Variants in TMEM63B observed in about 807,000 individuals in gnomAD.
TMEM63B encodes the protein transmembrane protein 63B.
In TMEM63B, 23 loss-of-function variants were observed where a neutral mutation model predicts 102.6. That is an observed-to-expected ratio of 0.22 (90% CI 0.16 to 0.32). The LOEUF is 0.32. TMEM63B is among the 10% of genes least tolerant of loss of function. The probability of loss-of-function intolerance (pLI) is 1.00; values close to 1 mark genes in which losing one functional copy is unlikely to be tolerated. For synonymous variants in TMEM63B, 444 were observed against 437.0 expected (o/e 1.02, Z -0.20); for missense variants, 628 against 1,095.9 (o/e 0.57, Z 6.03).
Position 44,150,153 on chromosome 6 carries a change from C to A in TMEM63B, c.1521-71C>A. 1 of 1,505,736 alleles carries A rather than the reference C, an allele frequency of 6.6e-7. No homozygotes were observed. Among genetic ancestry groups the A allele is most frequent in the Non-Finnish European group, 9.2e-7 (1 of 1,089,126 alleles). The allele number at this position is 1,505,736 out of a possible 1,614,324, so 93.3% of individuals were successfully genotyped here. ...CCAGGGGACACTCCTTGGACATTGT[C>A]CTTGTTGGGGGAGCAAGTCTGGGGC... On this transcript the variant is annotated intron_variant, in intron 16 of 23. Coordinates refer to ENST00000323267, the MANE Select transcript of TMEM63B (RefSeq NM_018426.3). The surrounding 1 kb of genome is among the most constrained non-coding windows in gnomAD (Gnocchi z 4.7).
At chr6:44,151,820 A>C in intron 18 of TMEM63B, 26 bp from the exon 19 acceptor site, 2 of 1,582,494 alleles carry the variant, frequency 1.3e-6, no homozygotes, top group Non-Finnish European at 8.6e-7. Flanking sequence ...CCAAGGGTGC[A>C]GTGCTGGAGC....
chr6:44,130,410 A>C (rs1582752562), intron 1 of TMEM63B, among the ~76,000 whole-genome samples: 1 of 151,780 alleles, frequency 6.6e-6, no homozygotes, highest in Non-Finnish European at 1.5e-5. Flanking sequence ...TTATTTTACT[A>C]CTTTTTTTTC....
At chr6:44,130,820 T>C (rs1412613643) in intron 1 of TMEM63B, among the ~76,000 whole-genome samples, 1 of 149,222 alleles carries the variant, frequency 6.7e-6, no homozygotes, top group Non-Finnish European at 1.5e-5. Context: ...GGCATGATCA[T>C]GGCTGACTGC....
At chr6:44,128,166 C>T (rs1777575410) in intron 1 of TMEM63B, among the ~76,000 whole-genome samples, 1 of 152,192 alleles carries the variant, frequency 6.6e-6, no homozygotes, top group Admixed American at 6.5e-5. Flanking sequence ...CGAGTACACC[C>T]GAAGCCGGTC....
intron 20 of TMEM63B, among the ~76,000 whole-genome samples, chr6:44,153,302 T>C (rs562120974): frequency 3.3e-5 from 5 of 152,210 alleles, no homozygotes; most frequent in Admixed American, 6.5e-5. Flanking sequence ...CCAAACTAAC[T>C]TCCTTGTCCT....
intron 3 of TMEM63B, 40 bp from the exon 4 acceptor site, chr6:44,135,288 T>TC: frequency 6.2e-7 from 1 of 1,600,342 alleles, no homozygotes; most frequent in Non-Finnish European, 8.5e-7. Context: ...CCAGGGACTC[T>TC]CCCCCGCCCC....
In TMEM63B at chr6:44,152,900, C is replaced by G. The variant is rs1767067136; in HGVS notation, c.1942+202C>G. The stretch of plus-strand genomic sequence containing the variant: ...GAGAGCCATCAGCTCAGGCCAGACC[C>G]AGCTGGCATGTGGGCCCCAGGGCAA... On this transcript the variant is annotated intron_variant, in intron 20 of 23. Coordinates refer to ENST00000323267, the MANE Select transcript of TMEM63B (RefSeq NM_018426.3). This position sits in a 1 kb window ranked among gnomAD's most constrained non-coding sequence, Gnocchi z 6.4. Among the ~76,000 whole-genome samples the G allele has an allele frequency of 6.6e-6, 1 of 152,206 alleles. No homozygotes were observed. Among genetic ancestry groups the G allele is most frequent in the Non-Finnish European group, 1.5e-5 (1 of 68,024 alleles).
upstream of TMEM63B, among the ~76,000 whole-genome samples, chr6:44,126,682 T>C (rs1333058626): frequency 1.3e-5 from 2 of 152,248 alleles, no homozygotes; most frequent in Non-Finnish European, 2.9e-5. Context: ...ACTTCCTTTT[T>C]GTCCCCTCCA....
At chr6:44,139,841 T>C in intron 8 of TMEM63B, 82 bp downstream of exon 8, 3 of 1,565,132 alleles carry the variant, frequency 1.9e-6, no homozygotes, top group Non-Finnish European at 2.6e-6. Flanking sequence ...GAAAGGCAGC[T>C]GCGTTGATGG....
intron 6 of TMEM63B, chr6:44,138,999 C>T (rs2128235686): frequency 7.9e-6 from 2 of 253,746 alleles, no homozygotes; most frequent in Non-Finnish European, 7.7e-6. Flanking sequence ...ACGCCAGGCT[C>T]AGCCACACCC....
At position 44,147,470 on chromosome 6, in the gene TMEM63B, C is replaced by A; in HGVS notation, c.957C>A (p.Leu319=). ...TCAACCCCAAGCCCTGTGGCCACCT[C>A]TGCTGCTGTGTGGTGCGAGGCTGTG... The part of the protein sequence containing the change: ...TMINPKPCGH[L]CCCVVRGCEQ... Residue 319 remains leucine, a synonymous_variant, in exon 12 of 24, where the codon CTC becomes CTA. Coordinates refer to ENST00000323267, the MANE Select transcript of TMEM63B (RefSeq NM_018426.3). 1 of 1,614,192 alleles carries A rather than the reference C, an allele frequency of 6.2e-7. No individual in the cohort carries two copies. Among genetic ancestry groups the A allele is most frequent in the Non-Finnish European group, 8.5e-7 (1 of 1,180,036 alleles).
At chr6:44,138,200 ACACAGC>A (rs1182823179) in intron 5 of TMEM63B, among the ~76,000 whole-genome samples, 1 of 124,316 alleles carries the variant, frequency 8.0e-6, no homozygotes, top group Non-Finnish European at 1.7e-5. Context: ...ACCCTGGCCC[ACACAGC>A]CACAGGGTAT....
chr6:44,142,363 C>T (rs1289555813), intron 10 of TMEM63B, among the ~76,000 whole-genome samples: 1 of 150,320 alleles, frequency 6.7e-6, no homozygotes, highest in Admixed American at 6.6e-5. Context: ...AACCTTGTCT[C>T]TACTGAAAAT....
chr6:44,138,736 GC>G (rs77370584), intron 6 of TMEM63B: 5 of 288,612 alleles, frequency 1.7e-5, no homozygotes, highest in East Asian at 1.2e-4. Context: ...CCCCCTGCCG[GC>G]CCCCCCGCTT....
At chr6:44,137,077 C>T (rs535562491) in intron 5 of TMEM63B, among the ~76,000 whole-genome samples, 1 of 152,326 alleles carries the variant, frequency 6.6e-6, no homozygotes, top group South Asian at 2.1e-4. Context: ...AATAAGCCCT[C>T]CAGCCCTGCC....
intron 20 of TMEM63B, among the ~76,000 whole-genome samples, 193 bp from the exon 21 acceptor site, chr6:44,153,483 A>G (rs951305025): frequency 3.5e-4 from 53 of 152,240 alleles, no homozygotes; most frequent in African/African-American, 1.2e-3. Context: ...GGAGAGTAGA[A>G]TGAGGGGTTG....
At position 44,153,654 on chromosome 6, in the gene TMEM63B, G is replaced by C. The variant is rs748801183; in HGVS notation, c.1943-22G>C. On this transcript the variant is annotated intron_variant, in intron 20 of 23. Coordinates refer to ENST00000323267, the MANE Select transcript of TMEM63B (RefSeq NM_018426.3). ...TTCGGCAGCACTGGTTCCGAGGTCA[G>C]GGCCCATGTGGCTTCCCTTAGGGCT... The C allele has an allele frequency of 1.9e-6, 3 of 1,607,014 alleles. No homozygotes were observed. The South Asian group carries it at 3.3e-5, about 18-fold the overall frequency.
intron 12 of TMEM63B, among the ~76,000 whole-genome samples, chr6:44,147,897 G>A (rs530476248): frequency 6.6e-6 from 1 of 152,332 alleles, no homozygotes; most frequent in East Asian, 1.9e-4. Flanking sequence ...GCTGAAGCAG[G>A]TGGATCACTT....
intron 6 of TMEM63B, chr6:44,138,736 G>GCCCCCACCCC: frequency 3.6e-6 from 1 of 280,538 alleles, no homozygotes; most frequent in South Asian, 3.5e-5. Context: ...CCCCCTGCCG[G>GCCCCCACCCC]CCCCCCCGCT....
Sources: gnomAD v4.1 joint callset for allele counts (sites outside exome capture counted in the v4.1 genomes callset) on GRCh38, gnomAD v4.1.1 for gene constraint, Gnocchi (gnomAD v3.1) non-coding constraint, MANE v1.5 for transcripts, NCBI Gene and HGNC (gene_info 2026-07-23, HGNC 2026-07-21) for gene names.